Variants in DSE observed in about 807,000 individuals in gnomAD.
The protein encoded by DSE is dermatan sulfate epimerase.
Under a neutral mutation model 84.4 loss-of-function variants are expected in DSE, and 36 were observed. That is an observed-to-expected ratio of 0.43 (90% CI 0.33 to 0.56). DSE has a LOEUF of 0.56. DSE is among the 20% of genes least tolerant of loss of function. DSE has a pLI of 0.06. For missense variants in DSE, 862 were observed against 1,169.6 expected, an observed-to-expected ratio of 0.74 and a Z score of 3.84; for synonymous variants, 410 against 430.1, an observed-to-expected ratio of 0.95 and a Z score of 0.58.
chr6:116,370,851 G>C, upstream of DSE: 2 of 985,630 alleles, frequency 2.0e-6, no homozygotes, highest in Non-Finnish European at 2.4e-6. Flanking sequence ...GTGACGTTGC[G>C]GTTTCCTCCC....
chr6:116,281,088 TATAAG>T (rs1356103058), intron 2 of DSE, among the ~76,000 whole-genome samples: 3 of 152,098 alleles, frequency 2.0e-5, no homozygotes, highest in Admixed American at 6.5e-5. Context: ...ACAAATTTCT[TATAAG>T]AAGGAGGCAG....
intron 2 of DSE, chr6:116,259,331 T>G: frequency 2.2e-6 from 1 of 459,052 alleles, no homozygotes; most frequent in Non-Finnish European, 4.0e-6. Context: ...TACCAGTGTA[T>G]GAAACTACTG....
At chr6:116,376,966 T>C (rs1291525951) in intron 1 of DSE, among the ~76,000 whole-genome samples, 2 of 152,196 alleles carry the variant, frequency 1.3e-5, no homozygotes, top group Non-Finnish European at 2.9e-5. Context: ...CCCCCACCTT[T>C]TGAGTTTTAT....
In DSE at chr6:116,435,863, G is replaced by A; in HGVS notation, c.1395G>A (p.Val465=). The A allele has an allele frequency of 6.2e-7, 1 of 1,614,146 alleles. No individual in the cohort carries two copies. The highest frequency in any genetic ancestry group is 1.1e-5 in the South Asian group (1 of 91,080). ...CATTTACTTTTGCTCCCAATGGTGTGCCTTTCATTACTGAGGCTCTGTACG... is the reference window on the plus strand; with the variant it reads ...CATTTACTTTTGCTCCCAATGGTGTACCTTTCATTACTGAGGCTCTGTACG... ...QNSFTFAPNG[V]PFITEALYGP... The change falls in exon 6 of 6, where the codon GTG becomes GTA. Residue 465 remains valine, a synonymous_variant. Transcript: ENST00000644252.
chr6:116,389,003 C>G (rs1780732183), intron 1 of DSE, among the ~76,000 whole-genome samples: 1 of 152,154 alleles, frequency 6.6e-6, no homozygotes, highest in Admixed American at 6.5e-5. Flanking sequence ...TGAGAATAAA[C>G]AATGCATTGT....
chr6:116,416,391 G>T (rs1338274492), intron 2 of DSE, among the ~76,000 whole-genome samples: 1 of 149,828 alleles, frequency 6.7e-6, no homozygotes, highest in Non-Finnish European at 1.5e-5. Context: ...GTGTGTGTGT[G>T]TGTGTAGCTT....
At chr6:116,333,261 T>G (rs1396355045) in intron 2 of DSE, among the ~76,000 whole-genome samples, 1 of 152,164 alleles carries the variant, frequency 6.6e-6, no homozygotes, top group Non-Finnish European at 1.5e-5. Flanking sequence ...GAAAAGAGAT[T>G]TATTTGGCTC....
chr6:116,413,140 T>C (rs547278061), intron 2 of DSE, among the ~76,000 whole-genome samples: 31 of 152,288 alleles, frequency 2.0e-4, no homozygotes, highest in South Asian at 1.4e-3. Flanking sequence ...CTGTTGTAAA[T>C]AGTAGTGCAG....
At chr6:116,279,903 C>T (rs1224811804) in intron 2 of DSE, 9 of 1,596,726 alleles carry the variant, frequency 5.6e-6, no homozygotes, top group Admixed American at 3.3e-5. Flanking sequence ...CTAACCGCCG[C>T]TCGCACCGCC....
rs184812120 is a variant in DSE at position 116,433,703 on chromosome 6, C to G, written c.1118+153C>G. On this transcript the variant is annotated intron_variant, in intron 5 of 5. Coordinates refer to ENST00000644252, the MANE Select transcript of DSE (RefSeq NM_013352.4). ...GAGTATATGAAGTTTCAATTCAACT[C>G]ATATCACTGTTTTTGAAACTCTTAG... Among the ~76,000 whole-genome samples, 87 of 152,254 alleles carry G rather than the reference C, an allele frequency of 5.7e-4. 1 individual carries two copies.
chr6:116,438,849 A>G lies in DSE; in HGVS notation c.*1504A>G, dbSNP rs1342679712. On this transcript the variant is annotated 3_prime_UTR_variant, in exon 6 of 6. Coordinates refer to ENST00000644252, the MANE Select transcript of DSE (RefSeq NM_013352.4). ...AGTACCTTTCTGCAGTTCTAATTTG[A>G]ACCTTCTTGCATAAAGAAAACACAA... is the stretch of plus-strand genomic sequence containing the variant. 1 of 152,204 alleles carries G rather than the reference A, an allele frequency of 6.6e-6. No homozygotes were observed. The highest frequency in any genetic ancestry group is 1.5e-5 in the Non-Finnish European group (1 of 68,020). The allele number at this position is 152,204 out of a possible 1,614,324, so 9.4% of individuals were successfully genotyped here.
intron 2 of DSE, among the ~76,000 whole-genome samples, chr6:116,344,606 C>T (rs1777833581): frequency 6.6e-6 from 1 of 152,164 alleles, no homozygotes; most frequent in African/African-American, 2.4e-5. Context: ...CACCATCAGG[C>T]CTGCCTTACA....
At chr6:116,288,080 G>A (rs190289897) in intron 2 of DSE, 3 of 152,038 alleles carry the variant, frequency 2.0e-5, no homozygotes, top group Admixed American at 6.6e-5. Flanking sequence ...AATTGTTTAC[G>A]TATCTCATAG....
intron 2 of DSE, among the ~76,000 whole-genome samples, chr6:116,336,089 A>G (rs914151084): frequency 1.3e-5 from 2 of 152,232 alleles, no homozygotes; most frequent in African/African-American, 4.8e-5. Flanking sequence ...CCTGATGTCC[A>G]TTTGTAGTCA....
At chr6:116,319,763 A>T (rs1224629054) in intron 2 of DSE, among the ~76,000 whole-genome samples, 1 of 151,990 alleles carries the variant, frequency 6.6e-6, no homozygotes, top group African/African-American at 2.4e-5. Context: ...TCATCTTTTG[A>T]TTCTTCCCTT....
At chr6:116,350,683 A>G (rs912281516) in intron 2 of DSE, among the ~76,000 whole-genome samples, 1 of 152,220 alleles carries the variant, frequency 6.6e-6, no homozygotes, top group Admixed American at 6.5e-5. Flanking sequence ...TTCCTTGGAC[A>G]GAAAAGTATA....
intron 1 of DSE, among the ~76,000 whole-genome samples, chr6:116,382,187 G>T (rs1583138655): frequency 1.3e-5 from 2 of 151,920 alleles, no homozygotes; most frequent in African/African-American, 2.4e-5. Context: ...TTCCAAATAA[G>T]GTCCCATTTA....
intron 2 of DSE, among the ~76,000 whole-genome samples, chr6:116,361,639 G>A (rs1778896123): frequency 6.6e-6 from 1 of 152,126 alleles, no homozygotes; most frequent in South Asian, 2.1e-4. Context: ...CTGGGCAACA[G>A]AGCAAGACCC....
At chr6:116,267,547 G>T (rs1772683754) in intron 2 of DSE, among the ~76,000 whole-genome samples, 1 of 151,962 alleles carries the variant, frequency 6.6e-6, no homozygotes, top group African/African-American at 2.4e-5. Flanking sequence ...CATTATAAAA[G>T]ACTCAAAAAG....
Sources: gnomAD v4.1 joint callset for allele counts (sites outside exome capture counted in the v4.1 genomes callset) on GRCh38, gnomAD v4.1.1 for gene constraint, MANE v1.5 for transcripts, NCBI Gene and HGNC (gene_info 2026-07-23, HGNC 2026-07-21) for gene names.